The following DYSF variants were observed in gnomAD, a reference collection of about 807,000 sequenced individuals.
DYSF encodes dysferlin, also known as dystrophy-associated fer-1-like 1.
Under a neutral mutation model 274.9 loss-of-function variants are expected in DYSF, and 212 were observed. The observed-to-expected ratio is 0.77, with a 90% confidence interval of 0.69 to 0.86. DYSF has a LOEUF of 0.86. Ranked by LOEUF, DYSF falls within the 40% of genes least tolerant of loss-of-function variation. The pLI is 0.00. For synonymous variants in DYSF, 1,091 were observed against 1,078.7 expected (o/e 1.01, Z -0.22); for missense variants, 2,666 against 2,783.2 (o/e 0.96, Z 0.95).
intron 30 of DYSF, among the ~76,000 whole-genome samples, chr2:71,588,064 G>A (rs1267919054): frequency 6.6e-6 from 1 of 152,206 alleles, no homozygotes; most frequent in Admixed American, 6.5e-5. Flanking sequence ...GCCTGGGATG[G>A]TTGACGGCAC....
At chr2:71,580,624 G>A (rs1479374071) in intron 30 of DYSF, among the ~76,000 whole-genome samples, 3 of 152,186 alleles carry the variant, frequency 2.0e-5, no homozygotes, top group African/African-American at 7.2e-5. Context: ...TGGGGCTGGG[G>A]TGTTGAAAGG....
chr2:71,482,682 T>G (rs1211100653), intron 3 of DYSF, among the ~76,000 whole-genome samples: 3 of 151,842 alleles, frequency 2.0e-5, no homozygotes, highest in Non-Finnish European at 4.4e-5. Context: ...TGCAGATGGG[T>G]GGGTCTTGGA....
rs201335551 is a variant in DYSF, at chr2:71,513,735, C to T, written c.573C>T (p.Asp191=). ...TCTTAGACACAGGAGGAGAGGAAGA[C>T]ACAGAGGACCAGGGACTCACTGGAG... ...PAPTDTGGEE[D]TEDQGLTGDE... is the part of the protein sequence containing the mutation. The change falls in exon 7 of 56, where the codon GAC becomes GAT. Residue 191 remains aspartate, a synonymous_variant. Transcript: ENST00000410020. 6.2e-7 allele frequency: 1 copy of T among 1,614,070 alleles called. No individual in the cohort carries two copies. Among genetic ancestry groups the T allele is most frequent in the Non-Finnish European group, 8.5e-7 (1 of 1,180,006 alleles).
intron 42 of DYSF, among the ~76,000 whole-genome samples, chr2:71,649,185 A>AAT (rs2094614810): frequency 6.6e-6 from 1 of 151,830 alleles, no homozygotes; most frequent in African/African-American, 2.4e-5. Flanking sequence ...TTTACCTTAG[A>AAT]CTCAAAATGA....
intron 14 of DYSF, among the ~76,000 whole-genome samples, chr2:71,532,507 T>G (rs2088843967): frequency 6.6e-6 from 1 of 151,994 alleles, no homozygotes; most frequent in Non-Finnish European, 1.5e-5. Context: ...TGGAACAGGA[T>G]GGGGGAAGGC....
At chr2:71,656,778 A>G (rs1040572218) in intron 43 of DYSF, among the ~76,000 whole-genome samples, 1 of 152,110 alleles carries the variant, frequency 6.6e-6, no homozygotes, top group Non-Finnish European at 1.5e-5. Flanking sequence ...CTTATTCACC[A>G]CCACGAGAAT....
intron 16 of DYSF, among the ~76,000 whole-genome samples, chr2:71,537,002 AC>A (rs1406799805): frequency 1.3e-5 from 2 of 151,324 alleles, no homozygotes. Context: ...ACCCCAAACC[AC>A]CCCCTACCTC....
intron 20 of DYSF, 48 bp from the exon 21 acceptor site, chr2:71,553,759 C>T: frequency 2.1e-6 from 3 of 1,441,070 alleles, no homozygotes; most frequent in Non-Finnish European, 2.8e-6. Context: ...CCCATCCCAC[C>T]CGCCCTCCAC....
chr2:71,596,715 C>T (rs530890345), intron 32 of DYSF, among the ~76,000 whole-genome samples: 7 of 152,310 alleles, frequency 4.6e-5, no homozygotes, highest in Admixed American at 3.3e-4. Flanking sequence ...CCTCCCATTG[C>T]CCTCTTCTGT....
At chr2:71,683,766 T>A (rs1310360464) in intron 55 of DYSF, among the ~76,000 whole-genome samples, 4 of 152,246 alleles carry the variant, frequency 2.6e-5, no homozygotes, top group Admixed American at 2.6e-4. Context: ...GCAGACAGGC[T>A]GCTTGGGGAA....
At chr2:71,580,875 T>G (rs1401188325) in intron 30 of DYSF, among the ~76,000 whole-genome samples, 1 of 152,230 alleles carries the variant, frequency 6.6e-6, no homozygotes, top group Non-Finnish European at 1.5e-5. Flanking sequence ...TGCGTGTCCA[T>G]GTGCCTCAGG....
intron 3 of DYSF, among the ~76,000 whole-genome samples, chr2:71,488,082 A>G (rs1178514219): frequency 6.6e-6 from 1 of 152,066 alleles, no homozygotes; most frequent in Admixed American, 6.5e-5. Context: ...GCAAGGAGCA[A>G]TATTTGATAA....
chr2:71,459,323 C>A (rs543880129), intron 1 of DYSF, among the ~76,000 whole-genome samples: 1 of 152,276 alleles, frequency 6.6e-6, no homozygotes, highest in South Asian at 2.1e-4. Context: ...AGAACTGGCC[C>A]AACTCCAGCA....
intron 3 of DYSF, among the ~76,000 whole-genome samples, chr2:71,490,820 A>G (rs1324256002): frequency 1.3e-5 from 2 of 152,176 alleles, no homozygotes; most frequent in Non-Finnish European, 2.9e-5. Flanking sequence ...ATTCCGCGGT[A>G]TGTGTGCACC....
intron 35 of DYSF, among the ~76,000 whole-genome samples, chr2:71,602,379 G>C (rs1415551721): frequency 6.6e-6 from 1 of 152,130 alleles, no homozygotes; most frequent in Non-Finnish European, 1.5e-5. Flanking sequence ...CCTGCTCTCA[G>C]TGCTGCCCGC....
chr2:71,661,116 C>CAAAAA (rs55761719), intron 45 of DYSF, among the ~76,000 whole-genome samples: 2 of 85,932 alleles, frequency 2.3e-5, no homozygotes, highest in African/African-American at 8.8e-5. Context: ...AACCCTGTCT[C>CAAAAA]AAAAAAAAAA....
intron 42 of DYSF, among the ~76,000 whole-genome samples, chr2:71,648,946 A>G (rs1431805583): frequency 6.6e-5 from 10 of 152,084 alleles, no homozygotes; most frequent in Admixed American, 3.9e-4. Context: ...CCATTTGTAC[A>G]TATTCAGGAA....
In DYSF at chr2:71,574,357, C is replaced by A; in HGVS notation, c.3388C>A (p.Leu1130Ile). 6.2e-7 allele frequency: 1 copy of A among 1,613,756 alleles called. No homozygotes were observed. Among genetic ancestry groups the A allele is most frequent in the Non-Finnish European group, 8.5e-7 (1 of 1,179,744 alleles). The change falls in exon 30 of 56, where the codon CTT becomes ATT. Residue 1130 changes from leucine to isoleucine, a missense_variant. Leu to Ile is a conservative substitution (Grantham distance 5). Transcript: ENST00000410020. ...EKTGPAAVFA[L>I]EGALGGVMDD... is the part of the protein sequence containing the mutation. ...GACGGGGCCTGCAGCTGTGTTTGCC[C>A]TTGAGGGGGCCCTGGTATGTGGGGC...
intron 1 of DYSF, among the ~76,000 whole-genome samples, chr2:71,456,173 A>G (rs772027112): frequency 2.0e-5 from 3 of 147,744 alleles, no homozygotes; most frequent in African/African-American, 5.0e-5. Flanking sequence ...CCCCCTTTCC[A>G]GGGCCCAGAG....
Sources: allele counts gnomAD v4.1 joint callset (sites outside exome capture counted in the v4.1 genomes callset), GRCh38; gene constraint gnomAD v4.1.1; transcripts MANE v1.5; gene names NCBI Gene and HGNC (gene_info 2026-07-23, HGNC 2026-07-21).